CNTN6: variants seen among roughly 807,000 people sequenced by gnomAD.
CNTN6 encodes contactin-6.
CNTN6 carries 137 observed loss-of-function variants against 122.8 expected under a neutral mutation model. That is an observed-to-expected ratio of 1.12 (90% confidence interval 0.97 to 1.29). CNTN6 has a LOEUF of 1.29. Ranked by LOEUF, CNTN6 falls within the 50% of genes most tolerant of loss-of-function variation. CNTN6 has a pLI of 0.00. For missense variants in CNTN6, 1,634 were observed against 1,223.4 expected (o/e 1.34, Z -5.01); for synonymous variants, 570 against 426.0 (o/e 1.34, Z -4.16).
chr3:1,104,239 T>A (rs573851499), intron 1 of CNTN6, among the ~76,000 whole-genome samples: 5,719 of 152,166 alleles, frequency 0.038, 361 homozygotes, highest in African/African-American at 0.13. Context: ...ATTAAATTAT[T>A]TAATTCCAAG....
chr3:1,250,772 C>T (rs952093576), intron 4 of CNTN6, among the ~76,000 whole-genome samples: 1 of 152,172 alleles, frequency 6.6e-6, no homozygotes, highest in Non-Finnish European at 1.5e-5. Flanking sequence ...GAAAGTCCCC[C>T]TGACTGTGTT....
At chr3:1,248,279 G>T (rs1309810336) in intron 4 of CNTN6, among the ~76,000 whole-genome samples, 1 of 152,098 alleles carries the variant, frequency 6.6e-6, no homozygotes, top group African/African-American at 2.4e-5. Flanking sequence ...GTAGCAGTGA[G>T]GGAATAATGG....
At chr3:1,129,810 C>A (rs2092286748) in intron 1 of CNTN6, among the ~76,000 whole-genome samples, 1 of 151,964 alleles carries the variant, frequency 6.6e-6, no homozygotes, top group Non-Finnish European at 1.5e-5. Context: ...ATATATTTAT[C>A]AATAGTTATT....
chr3:1,172,357 A>C (rs533159755), intron 2 of CNTN6, among the ~76,000 whole-genome samples: 1 of 152,144 alleles, frequency 6.6e-6, no homozygotes, highest in East Asian at 1.9e-4. Context: ...ATCACAAAGG[A>C]GGAAAACAAG....
chr3:1,213,162 ATAT>A (rs761099763), intron 2 of CNTN6, among the ~76,000 whole-genome samples: 1 of 152,188 alleles, frequency 6.6e-6, no homozygotes, highest in African/African-American at 2.4e-5. Context: ...CAAGTATAAG[ATAT>A]TATTAAGCCA....
chr3:1,102,597 C>T (rs902701184), intron 1 of CNTN6, among the ~76,000 whole-genome samples: 6 of 147,666 alleles, frequency 4.1e-5, no homozygotes, highest in East Asian at 4.0e-4. Flanking sequence ...GGCGTGGTGG[C>T]GGCGCCTGTA....
chr3:1,351,406 C>A (rs889241836), intron 11 of CNTN6, among the ~76,000 whole-genome samples: 3 of 151,898 alleles, frequency 2.0e-5, no homozygotes, highest in African/African-American at 7.2e-5. Context: ...TCTTGACTAC[C>A]TACTAATGTT....
intron 4 of CNTN6, among the ~76,000 whole-genome samples, chr3:1,253,637 G>A (rs548364736): frequency 7.9e-5 from 12 of 152,210 alleles, no homozygotes; most frequent in Non-Finnish European, 1.6e-4. Flanking sequence ...GGTTTCAGCA[G>A]GTATTAGATT....
intron 11 of CNTN6, among the ~76,000 whole-genome samples, chr3:1,330,255 G>A (rs1056845382): frequency 1.8e-4 from 27 of 151,840 alleles, no homozygotes; most frequent in African/African-American, 4.1e-4. Flanking sequence ...AAATCAGTGC[G>A]AATAACATTT....
intron 5 of CNTN6, among the ~76,000 whole-genome samples, chr3:1,279,928 A>G (rs996184123): frequency 4.6e-5 from 7 of 152,232 alleles, no homozygotes; most frequent in Non-Finnish European, 7.3e-5. Flanking sequence ...AAGAGTTGCA[A>G]TGCTTTTAAT....
intron 1 of CNTN6, among the ~76,000 whole-genome samples, chr3:1,101,519 T>C (rs1239799054): frequency 3.3e-5 from 5 of 152,222 alleles, no homozygotes; most frequent in Non-Finnish European, 7.3e-5. Flanking sequence ...TTCCATCATT[T>C]AGAAAGTCAT....
At chr3:1,195,375 T>C (rs2093761831) in intron 2 of CNTN6, among the ~76,000 whole-genome samples, 1 of 152,154 alleles carries the variant, frequency 6.6e-6, no homozygotes, top group African/African-American at 2.4e-5. Flanking sequence ...GGGTTCATGA[T>C]ACCTGAATAG....
intron 2 of CNTN6, among the ~76,000 whole-genome samples, chr3:1,197,654 G>A (rs757844309): frequency 2.6e-5 from 4 of 152,154 alleles, no homozygotes; most frequent in South Asian, 2.1e-4. Context: ...GGAAGCCCAC[G>A]TAGTGATAAG....
intron 4 of CNTN6, among the ~76,000 whole-genome samples, chr3:1,273,935 G>A (rs1441968276): frequency 1.3e-5 from 2 of 152,194 alleles, no homozygotes; most frequent in Non-Finnish European, 2.9e-5. Context: ...TCCTAGGATT[G>A]TGGAGCACTG....
rs115483972 is a variant in CNTN6, at chr3:1,387,598, G to A, written c.2704+1801G>A. ...AAGATGGCCGAATAGGAACAGCTCC[G>A]GTCTACAGCTCCCAGTGAAGACGCG... On this transcript the variant is annotated intron_variant, in intron 20 of 22. Coordinates refer to ENST00000446702, the MANE Select transcript of CNTN6 (RefSeq NM_001289080.2). 4.3e-3 allele frequency among the ~76,000 whole-genome samples: 662 copies of A among 152,232 alleles called. 4 individuals carry two copies. The highest frequency in any genetic ancestry group is 0.014 in the African/African-American group (567 of 41,558).
At chr3:1,240,408 G>A (rs2094467641) in intron 4 of CNTN6, among the ~76,000 whole-genome samples, 1 of 152,112 alleles carries the variant, frequency 6.6e-6, no homozygotes, top group African/African-American at 2.4e-5. Context: ...TGGCAAGCAA[G>A]CACAAATGGG....
chr3:1,202,312 G>A lies in CNTN6; in HGVS notation c.56-18375G>A, dbSNP rs541544467. The stretch of plus-strand genomic sequence containing the variant: ...TCCCAGCACTTCGGAAGGCCGAGGC[G>A]GGCGGATCACGAGCTCAGGATATCA... On this transcript the variant is annotated intron_variant, in intron 2 of 22. Coordinates refer to ENST00000446702, the MANE Select transcript of CNTN6 (RefSeq NM_001289080.2). Among the ~76,000 whole-genome samples the A allele has an allele frequency of 1.8e-4, 27 of 152,274 alleles. No individual in the cohort carries two copies. The South Asian group carries it at 4.8e-3, about 27-fold the overall frequency.
Position 1,325,012 on chromosome 3 carries a change from G to C in CNTN6, c.947-803G>C, listed in dbSNP as rs187614829. On this transcript the variant is annotated intron_variant, in intron 8 of 22. Transcript: ENST00000446702. ...TCCAAGGACAGAACTAAATAAAGGA[G>C]AGGGATTAATTGGCACCTCCAGGCA... 3.0e-4 allele frequency among the ~76,000 whole-genome samples: 42 copies of C among 139,760 alleles called. 3 individuals carry two copies. The East Asian group carries it at 5.3e-3, about 18-fold the overall frequency. 91.7% of individuals were successfully genotyped at this position (139,760 alleles called of 152,430 possible).
At chr3:1,358,946 G>C (rs1315309213) in intron 12 of CNTN6, among the ~76,000 whole-genome samples, 1 of 151,920 alleles carries the variant, frequency 6.6e-6, no homozygotes, top group African/African-American at 2.4e-5. Flanking sequence ...TGTTGTCCCA[G>C]CTACTTGGGA....
Sources: gnomAD v4.1 joint callset for allele counts (sites outside exome capture counted in the v4.1 genomes callset) on GRCh38, gnomAD v4.1.1 for gene constraint, MANE v1.5 for transcripts, NCBI Gene and HGNC (gene_info 2026-07-23, HGNC 2026-07-21) for gene names.